Variants in RFX3 observed in about 807,000 individuals in gnomAD.
RFX3 encodes transcription factor RFX3.
RFX3 carries 14 observed loss-of-function variants against 98.6 expected under a neutral mutation model. That is an observed-to-expected ratio of 0.14 (90% CI 0.09 to 0.22). The LOEUF is 0.22. Among genes scored for constraint, RFX3 ranks in the 10% least tolerant of loss-of-function variants. The probability of loss-of-function intolerance (pLI) is 1.00; values close to 1 mark genes in which losing one functional copy is unlikely to be tolerated. For missense variants in RFX3, 639 were observed against 926.9 expected (o/e 0.69, Z 4.03); for synonymous variants, 383 against 328.4 (o/e 1.17, Z -1.80).
intron 7 of RFX3, among the ~76,000 whole-genome samples, chr9:3,278,167 A>G (rs1825476560): frequency 6.6e-6 from 1 of 151,934 alleles, no homozygotes; most frequent in Non-Finnish European, 1.5e-5. Context: ...ATAGAAAAAA[A>G]TGTGCTTCAG....
At chr9:3,448,459 A>G (rs577445856) in intron 1 of RFX3, among the ~76,000 whole-genome samples, 43 of 152,274 alleles carry the variant, frequency 2.8e-4, no homozygotes, top group African/African-American at 9.9e-4. Context: ...TCCTCTGTCC[A>G]TTCTGAGGCC....
chr9:3,261,802 A>G (rs570860837), intron 13 of RFX3, among the ~76,000 whole-genome samples: 1 of 152,242 alleles, frequency 6.6e-6, no homozygotes, highest in South Asian at 2.1e-4. Context: ...ATCCTCGCCA[A>G]TAGGGTATGT....
intron 1 of RFX3, among the ~76,000 whole-genome samples, chr9:3,523,302 C>T (rs1422335969): frequency 6.6e-6 from 1 of 152,062 alleles, no homozygotes; most frequent in Admixed American, 6.6e-5. Flanking sequence ...ATAACATAGT[C>T]CCTTCTAGGA....
chr9:3,225,688 T>G (rs996549693), intron 16 of RFX3, among the ~76,000 whole-genome samples: 2 of 151,358 alleles, frequency 1.3e-5, no homozygotes, highest in African/African-American at 4.9e-5. Flanking sequence ...TGTTGTTTCC[T>G]CCAAAAATCT....
At chr9:3,396,671 T>A (rs1840921036) in intron 1 of RFX3, among the ~76,000 whole-genome samples, 1 of 152,162 alleles carries the variant, frequency 6.6e-6, no homozygotes, top group South Asian at 2.1e-4. Flanking sequence ...TGTAAAAGTG[T>A]TCCTATTTCT....
chr9:3,503,347 C>A (rs1816259214), intron 1 of RFX3, among the ~76,000 whole-genome samples: 1 of 152,100 alleles, frequency 6.6e-6, no homozygotes, highest in Non-Finnish European at 1.5e-5. Context: ...GCTTAAGGTT[C>A]CATAAAAATG....
intron 2 of RFX3, among the ~76,000 whole-genome samples, chr9:3,388,341 G>GC (rs1362830391): frequency 1.3e-5 from 2 of 152,066 alleles, no homozygotes; most frequent in Admixed American, 1.3e-4. Context: ...CTTGAAGATT[G>GC]CCCTTCTCCT....
intron 5 of RFX3, among the ~76,000 whole-genome samples, chr9:3,296,033 GCTTA>G (rs1429839106): frequency 6.6e-6 from 1 of 151,400 alleles, no homozygotes. Context: ...AAAAATGAGA[GCTTA>G]CTTATTTTTC....
At chr9:3,493,496 A>G (rs1850871701) in intron 1 of RFX3, among the ~76,000 whole-genome samples, 1 of 151,792 alleles carries the variant, frequency 6.6e-6, no homozygotes. Flanking sequence ...CATTCTGGCT[A>G]ACATGGTGAA....
chr9:3,424,599 C>T (rs866808287), intron 1 of RFX3, among the ~76,000 whole-genome samples: 1 of 150,374 alleles, frequency 6.7e-6, no homozygotes, highest in Non-Finnish European at 1.5e-5. Flanking sequence ...TGACCTCGTG[C>T]TCCGCCCGCC....
chr9:3,289,718 G>A (rs968049939), intron 6 of RFX3, among the ~76,000 whole-genome samples: 1 of 152,018 alleles, frequency 6.6e-6, no homozygotes, highest in African/African-American at 2.4e-5. Context: ...ATGGTTGGGG[G>A]AGAGAAGCAT....
In RFX3 at chr9:3,346,744, C is replaced by A; in HGVS notation, c.138G>T (p.Val46=). The part of the protein sequence containing the change: ...VQQQVQQVQT[V]QQVQHVYPAQ... ...CGGGATAGACATGTTGTACCTGCTG[C>A]ACAGTCTGTACCTGCTGTACCTGAA... The change falls in exon 3 of 17, where the codon GTG becomes GTT. Residue 46 remains valine, a synonymous_variant. Coordinates refer to ENST00000617270, the MANE Select transcript of RFX3 (RefSeq NM_001282116.2). 1 of 1,613,238 alleles carries A rather than the reference C, an allele frequency of 6.2e-7. No individual in the cohort carries two copies. The highest frequency in any genetic ancestry group is 8.5e-7 in the Non-Finnish European group (1 of 1,179,260).
Position 3,225,290 on chromosome 9 carries a change from C to A in RFX3, c.2012-10G>T, listed in dbSNP as rs761282586. The A allele has an allele frequency of 5.6e-6, 9 of 1,612,134 alleles. No homozygotes were observed. The South Asian group carries it at 9.9e-5, about 18-fold the overall frequency. ...ACTTCACTGCCTTCATCTGCACAAA[C>A]AAATAATACCAAGACTATCATCGAA... is the stretch of plus-strand genomic sequence containing the variant. On this transcript the variant is annotated splice_polypyrimidine_tract_variant and intron_variant, in intron 16 of 16. Coordinates refer to ENST00000617270, the MANE Select transcript of RFX3 (RefSeq NM_001282116.2).
intron 15 of RFX3, among the ~76,000 whole-genome samples, chr9:3,246,653 T>C (rs1264294659): frequency 6.6e-6 from 1 of 152,206 alleles, no homozygotes; most frequent in South Asian, 2.1e-4. Flanking sequence ...ACGTGCTACC[T>C]GGGCATTTTC....
intron 3 of RFX3, among the ~76,000 whole-genome samples, chr9:3,340,560 A>G (rs1033972929): frequency 7.2e-5 from 11 of 152,226 alleles, no homozygotes; most frequent in Admixed American, 1.3e-4. Flanking sequence ...TTTACAAGAA[A>G]AAAACAAACA....
Position 3,259,803 on chromosome 9 carries a change from G to C in RFX3, c.1606-2604C>G, listed in dbSNP as rs138262313. The stretch of plus-strand genomic sequence containing the variant: ...AGAGGAGAATGAAGTAGTGAAAAGT[G>C]ATATATGGATATCCTGAAAGGAACT... On this transcript the variant is annotated intron_variant, in intron 13 of 16. Transcript: ENST00000617270. Among the ~76,000 whole-genome samples the C allele has an allele frequency of 6.2e-3, 936 of 152,150 alleles. 3 individuals are homozygous for C. The highest frequency in any genetic ancestry group is 9.9e-3 in the Non-Finnish European group (676 of 67,950).
chr9:3,518,889 A>G (rs956766429), intron 1 of RFX3, among the ~76,000 whole-genome samples: 1 of 152,210 alleles, frequency 6.6e-6, no homozygotes, highest in African/African-American at 2.4e-5. Flanking sequence ...GTAACCTCAC[A>G]CATTTTTCTA....
At chr9:3,516,615 T>C (rs982486866) in intron 1 of RFX3, among the ~76,000 whole-genome samples, 1 of 152,102 alleles carries the variant, frequency 6.6e-6, no homozygotes, top group African/African-American at 2.4e-5. Flanking sequence ...TAAAAACCAG[T>C]TGAATAGCTT....
intron 1 of RFX3, among the ~76,000 whole-genome samples, chr9:3,433,196 T>C (rs540952605): frequency 6.6e-6 from 1 of 152,184 alleles, no homozygotes; most frequent in East Asian, 1.9e-4. Flanking sequence ...CCCATGTTGT[T>C]CAAGAGTCAA....
Sources: allele counts gnomAD v4.1 joint callset (sites outside exome capture counted in the v4.1 genomes callset), GRCh38; gene constraint gnomAD v4.1.1; transcripts MANE v1.5; gene names NCBI Gene and HGNC (gene_info 2026-07-23, HGNC 2026-07-21).